PDE1C: variants seen among roughly 807,000 people sequenced by gnomAD.
PDE1C encodes the protein phosphodiesterase 1C, also known as dual specificity calcium/calmodulin-dependent 3',5'-cyclic nucleotide phosphodiesterase 1C.
In PDE1C, 62 loss-of-function variants were observed where a neutral mutation model predicts 93.1. The observed-to-expected ratio is 0.67, with a 90% CI of 0.54 to 0.82. PDE1C has a LOEUF of 0.82. PDE1C is among the 40% of genes least tolerant of loss of function. The pLI is 0.00. For synonymous variants in PDE1C, 325 were observed against 310.1 expected (o/e 1.05, Z -0.50); for missense variants, 742 against 884.6 (o/e 0.84, Z 2.04).
At chr7:31,776,261 C>T (rs1448836142) in intron 16 of PDE1C, among the ~76,000 whole-genome samples, 1 of 152,166 alleles carries the variant, frequency 6.6e-6, no homozygotes, top group Non-Finnish European at 1.5e-5. Flanking sequence ...AAGCTCAGGT[C>T]TTCATCTGCA....
intron 3 of PDE1C, among the ~76,000 whole-genome samples, chr7:32,154,248 G>C (rs1459151055): frequency 6.6e-6 from 1 of 152,096 alleles, no homozygotes; most frequent in Non-Finnish European, 1.5e-5. Context: ...GACAGAGCGA[G>C]ACTATGCCTC....
intron 2 of PDE1C, among the ~76,000 whole-genome samples, chr7:31,985,919 C>T (rs1379124548): frequency 1.3e-5 from 2 of 152,218 alleles, no homozygotes; most frequent in African/African-American, 4.8e-5. Flanking sequence ...TGCCCCTTCC[C>T]CTAGCACCTT....
At chr7:32,132,773 T>C (rs1799991196) in intron 3 of PDE1C, among the ~76,000 whole-genome samples, 1 of 152,288 alleles carries the variant, frequency 6.6e-6, no homozygotes, top group African/African-American at 2.4e-5. Flanking sequence ...TAGAAGGATA[T>C]TTTAGTAATC....
chr7:31,833,496 G>T (rs1790684721), intron 11 of PDE1C, among the ~76,000 whole-genome samples: 1 of 152,160 alleles, frequency 6.6e-6, no homozygotes, highest in African/African-American at 2.4e-5. Flanking sequence ...CTAGAGACTT[G>T]TTGAATGTCT....
intron 1 of PDE1C, among the ~76,000 whole-genome samples, chr7:32,386,296 G>A (rs1052451604): frequency 9.4e-6 from 1 of 106,296 alleles, no homozygotes; most frequent in East Asian, 2.6e-4. Flanking sequence ...TCATCACTTA[G>A]TTAATAATTT....
the PDE1C span, among the ~76,000 whole-genome samples, chr7:31,617,788 TAAAATG>T: frequency 2.2e-3 from 340 of 152,214 alleles, no homozygotes; most frequent in African/African-American, 7.5e-3. Flanking sequence ...ATAATAAAGA[TAAAATG>T]AAAATGAAGA....
intron 16 of PDE1C, among the ~76,000 whole-genome samples, chr7:31,792,931 A>G (rs1393566440): frequency 1.3e-5 from 2 of 152,078 alleles, no homozygotes; most frequent in African/African-American, 2.4e-5. Context: ...ATAATTCAGG[A>G]AACTATTTAA....
intron 2 of PDE1C, among the ~76,000 whole-genome samples, chr7:32,178,051 A>G (rs1803129114): frequency 6.6e-6 from 1 of 152,224 alleles, no homozygotes; most frequent in South Asian, 2.1e-4. Context: ...CTACCCACAC[A>G]TAAGTATGGG....
At chr7:31,977,484 C>T (rs1187713090) in intron 2 of PDE1C, among the ~76,000 whole-genome samples, 4 of 152,122 alleles carry the variant, frequency 2.6e-5, no homozygotes, top group African/African-American at 7.2e-5. Flanking sequence ...AAATACCAAG[C>T]TCTTTTCCAT....
At chr7:31,744,291 C>T in the PDE1C span, among the ~76,000 whole-genome samples, 1 of 151,960 alleles carries the variant, frequency 6.6e-6, no homozygotes, top group African/African-American at 2.4e-5. Context: ...TACACCTAAA[C>T]AATATGAGTT....
intron 2 of PDE1C, among the ~76,000 whole-genome samples, chr7:32,027,982 T>C (rs1181858219): frequency 6.6e-6 from 1 of 152,114 alleles, no homozygotes; most frequent in Non-Finnish European, 1.5e-5. Context: ...AGAACTTAAG[T>C]ATGTCTCTAA....
chr7:31,622,566 A>G, the PDE1C span, among the ~76,000 whole-genome samples: 1 of 151,962 alleles, frequency 6.6e-6, no homozygotes, highest in African/African-American at 2.4e-5. Flanking sequence ...CAACGAGAAT[A>G]AAGACACAAC....
Position 31,922,035 on chromosome 7 carries a change from G to C in PDE1C, c.129-41175C>G, listed in dbSNP as rs538780983. 1.0e-3 allele frequency among the ~76,000 whole-genome samples: 156 copies of C among 152,252 alleles called. 4 individuals are homozygous for C. In the South Asian group the frequency reaches 0.021, roughly 21 times the overall value. On this transcript the variant is annotated intron_variant, in intron 2 of 17. Coordinates refer to ENST00000396191, the MANE Select transcript of PDE1C (RefSeq NM_001191057.4). ...GGTCAAACAGCTGATAGGTGGTAGA[G>C]ATAAAATCCGAAACCTGTCAGCCTC...
intron 16 of PDE1C, 86 bp from the exon 17 acceptor site, chr7:31,775,818 A>G: frequency 8.7e-7 from 1 of 1,143,824 alleles, no homozygotes; most frequent in Non-Finnish European, 1.3e-6. Flanking sequence ...AATGTTATCA[A>G]GTTGGGGTCT....
At chr7:32,423,887 A>G (rs1416333552) in intron 1 of PDE1C, among the ~76,000 whole-genome samples, 1 of 151,902 alleles carries the variant, frequency 6.6e-6, no homozygotes, top group East Asian at 1.9e-4. Flanking sequence ...TAATACACAG[A>G]TCATTAACCA....
At chr7:31,863,426 C>T (rs188599834) in intron 7 of PDE1C, among the ~76,000 whole-genome samples, 4 of 152,242 alleles carry the variant, frequency 2.6e-5, no homozygotes, top group Admixed American at 2.6e-4. Context: ...GAGGCTGAGA[C>T]TTCCAGAAAA....
chr7:31,883,191 C>T (rs915150921), intron 2 of PDE1C, among the ~76,000 whole-genome samples: 1 of 152,162 alleles, frequency 6.6e-6, no homozygotes, highest in Non-Finnish European at 1.5e-5. Context: ...TTACCAAGTA[C>T]ATAAGAAGCC....
At chr7:32,157,267 G>A (rs189371053) in intron 3 of PDE1C, among the ~76,000 whole-genome samples, 37 of 152,206 alleles carry the variant, frequency 2.4e-4, no homozygotes, top group Non-Finnish European at 4.3e-4. Context: ...TCTAGTATTC[G>A]ATAGTACAAT....
At chr7:31,650,759 T>A in the PDE1C span, among the ~76,000 whole-genome samples, 1 of 152,212 alleles carries the variant, frequency 6.6e-6, no homozygotes, top group Non-Finnish European at 1.5e-5. Context: ...AGTGAGGCAG[T>A]ACCCAGCAAC....
Sources: gnomAD v4.1 joint callset for allele counts (sites outside exome capture counted in the v4.1 genomes callset) on GRCh38, gnomAD v4.1.1 for gene constraint, MANE v1.5 for transcripts, NCBI Gene and HGNC (gene_info 2026-07-23, HGNC 2026-07-21) for gene names.